The following RNF17 variants were observed in gnomAD, a reference collection of about 807,000 sequenced individuals.
RNF17 encodes ring finger protein 17.
A neutral mutation model predicts 200.5 loss-of-function variants in RNF17; 31 were observed. The ratio of observed to expected loss-of-function variants is 0.15; its 90% CI spans 0.12 to 0.21. RNF17 has a LOEUF of 0.21. RNF17 is among the 10% of genes least tolerant of loss of function. RNF17 has a pLI of 1.00. For synonymous variants in RNF17, 606 were observed against 637.8 expected, an observed-to-expected ratio of 0.95 and a Z score of 0.75; for missense variants, 1,628 against 1,905.1, an observed-to-expected ratio of 0.85 and a Z score of 2.71.
intron 15 of RNF17, among the ~76,000 whole-genome samples, chr13:24,820,593 G>A (rs1206331727): frequency 2.0e-5 from 3 of 151,770 alleles, no homozygotes; most frequent in South Asian, 2.1e-4. Flanking sequence ...CCACCACCAC[G>A]CCCGGCTAAT....
intron 14 of RNF17, 31 bp from the exon 15 acceptor site, chr13:24,804,257 T>C (rs747439134): frequency 2.5e-6 from 4 of 1,598,604 alleles, no homozygotes; most frequent in Non-Finnish European, 2.6e-6. Context: ...GGTGAGACCC[T>C]GCTTACGCTT....
downstream of RNF17, chr13:24,883,836 C>T: frequency 3.0e-6 from 3 of 992,076 alleles, no homozygotes; most frequent in Non-Finnish European, 4.8e-6. Flanking sequence ...GTGGGACATT[C>T]ATTCAAACTG....
At chr13:24,788,715 G>C (rs1428989586) in intron 7 of RNF17, among the ~76,000 whole-genome samples, 1 of 152,064 alleles carries the variant, frequency 6.6e-6, no homozygotes, top group Non-Finnish European at 1.5e-5. Flanking sequence ...AAAAACAAAA[G>C]TTTCTTATAC....
chr13:24,763,420 T>C (rs1593186765), upstream of RNF17, among the ~76,000 whole-genome samples: 1 of 143,202 alleles, frequency 7.0e-6, no homozygotes, highest in African/African-American at 2.6e-5. Context: ...GGTTTCACCA[T>C]GTTAGCCAGG....
intron 18 of RNF17, among the ~76,000 whole-genome samples, chr13:24,839,509 A>T (rs1278284443): frequency 6.6e-6 from 1 of 152,234 alleles, no homozygotes; most frequent in Non-Finnish European, 1.5e-5. Context: ...TCACCAAAAC[A>T]GTGTGGTACT....
chr13:24,793,873 C>T (rs960836460), intron 10 of RNF17, among the ~76,000 whole-genome samples: 2 of 152,130 alleles, frequency 1.3e-5, no homozygotes, highest in African/African-American at 2.4e-5. Context: ...CTAATAGTCT[C>T]CTTTAAGACC....
At chr13:24,778,887 G>A (rs924443905) in intron 4 of RNF17, among the ~76,000 whole-genome samples, 1 of 152,126 alleles carries the variant, frequency 6.6e-6, no homozygotes, top group African/African-American at 2.4e-5. Context: ...TTAAGTTTTT[G>A]TGTTAAGATC....
chr13:24,822,002 G>A (rs1888115840), intron 15 of RNF17, among the ~76,000 whole-genome samples: 1 of 152,168 alleles, frequency 6.6e-6, no homozygotes, highest in South Asian at 2.1e-4. Flanking sequence ...AGAGAAAGGG[G>A]CTTCTGAAAG....
At chr13:24,762,588 T>C (rs571086070), upstream of RNF17, among the ~76,000 whole-genome samples, 26 of 152,226 alleles carry the variant, frequency 1.7e-4, no homozygotes, top group South Asian at 4.8e-3. Context: ...GAAGCAGTAC[T>C]TTTCTCTCGA....
At chr13:24,799,606 A>G in intron 12 of RNF17, 22 bp downstream of exon 12, 2 of 1,466,378 alleles carry the variant, frequency 1.4e-6, no homozygotes, top group South Asian at 1.2e-5. Context: ...TATAATATGT[A>G]TCCTTGGCCT....
In RNF17 at chr13:24,781,840, C is replaced by A; in HGVS notation, c.511-4C>A. The A allele has an allele frequency of 6.6e-7, 1 of 1,526,052 alleles. No homozygotes were observed. Among genetic ancestry groups the A allele is most frequent in the Non-Finnish European group, 8.8e-7 (1 of 1,138,758 alleles). The allele number at this position is 1,526,052 out of a possible 1,614,324, so 94.5% of individuals were successfully genotyped here. Reference sequence around the variant, plus strand: ...AGTTTTTGTCTTGTTTTTTTTTTTTCCAGGCACTTGAACACATGCAGAAGC... The same window carrying A: ...AGTTTTTGTCTTGTTTTTTTTTTTTACAGGCACTTGAACACATGCAGAAGC... On this transcript the variant is annotated splice_region_variant and splice_polypyrimidine_tract_variant and intron_variant, in intron 5 of 35. Transcript: ENST00000255324.
chr13:24,849,106 G>A (rs577708893), intron 22 of RNF17, among the ~76,000 whole-genome samples: 3 of 152,200 alleles, frequency 2.0e-5, no homozygotes, highest in African/African-American at 2.4e-5. Context: ...GGGAGGATCC[G>A]TTGAGCCCAT....
the RNF17 span, among the ~76,000 whole-genome samples, chr13:24,888,105 A>G: frequency 4.1e-4 from 62 of 152,218 alleles, no homozygotes; most frequent in African/African-American, 1.4e-3. Flanking sequence ...TAATTTTTTA[A>G]AATTCCAGAT....
rs535010568 is a variant in RNF17, at chr13:24,803,312, T to C, written c.1949+741T>C. On this transcript the variant is annotated intron_variant, in intron 14 of 35. Transcript: ENST00000255324. ...TTGTCCATCATTTCTTTTTTGTTTG[T>C]TTGAGACAGAGTCTTCATCCCATCA... Among the ~76,000 whole-genome samples, 10 of 152,314 alleles carry C rather than the reference T, an allele frequency of 6.6e-5. No homozygotes were observed. The South Asian group carries it at 2.1e-3, about 32-fold the overall frequency.
intron 9 of RNF17, among the ~76,000 whole-genome samples, chr13:24,792,618 A>G (rs893821702): frequency 2.0e-5 from 3 of 152,226 alleles, no homozygotes; most frequent in East Asian, 3.8e-4. Context: ...ACTTCAACAT[A>G]TATCAATTTT....
chr13:24,846,434 A>G (rs1013049835), intron 22 of RNF17, among the ~76,000 whole-genome samples: 1 of 152,214 alleles, frequency 6.6e-6, no homozygotes, highest in South Asian at 2.1e-4. Context: ...ACAGTTGTTA[A>G]CTTTTGTTAA....
At chr13:24,776,815 A>G (rs2044445) in intron 3 of RNF17, among the ~76,000 whole-genome samples, 29,791 of 152,040 alleles carry the variant, frequency 0.2, 3,172 homozygotes, top group South Asian at 0.32. Flanking sequence ...GACAAACCCA[A>G]TGTTGCCACA....
At chr13:24,836,314 C>T (rs1889993880) in intron 18 of RNF17, among the ~76,000 whole-genome samples, 3 of 152,138 alleles carry the variant, frequency 2.0e-5, no homozygotes, top group Non-Finnish European at 4.4e-5. Context: ...GAAAACTCCC[C>T]AGGCCTTGCT....
At chr13:24,756,490 T>C in the RNF17 span, among the ~76,000 whole-genome samples, 3 of 152,016 alleles carry the variant, frequency 2.0e-5, no homozygotes, top group East Asian at 5.8e-4. Flanking sequence ...CCCGAAAATG[T>C]ATAGCTTGAA....
Sources: gnomAD v4.1 joint callset for allele counts (sites outside exome capture counted in the v4.1 genomes callset) on GRCh38, gnomAD v4.1.1 for gene constraint, MANE v1.5 for transcripts, NCBI Gene and HGNC (gene_info 2026-07-23, HGNC 2026-07-21) for gene names.